The following PPP3CC variants were observed in gnomAD, a reference collection of about 807,000 sequenced individuals.
The protein encoded by PPP3CC is serine/threonine-protein phosphatase 2B catalytic subunit gamma isoform.
Under a neutral mutation model 60.3 loss-of-function variants are expected in PPP3CC, and 35 were observed. The ratio of observed to expected loss-of-function variants is 0.58; its 90% CI spans 0.44 to 0.77. PPP3CC has a LOEUF of 0.77. Ranked by LOEUF, PPP3CC falls within the 30% of genes least tolerant of loss-of-function variation. PPP3CC has a pLI of 0.00. For missense variants in PPP3CC, 570 were observed against 628.9 expected (o/e 0.91, Z 1.00); for synonymous variants, 206 against 224.3 (o/e 0.92, Z 0.73).
intron 1 of PPP3CC, among the ~76,000 whole-genome samples, chr8:22,450,411 A>G (rs537093659): frequency 1.3e-5 from 2 of 152,238 alleles, no homozygotes; most frequent in Non-Finnish European, 2.9e-5. Context: ...TAATTGCACC[A>G]CTCACCCATT....
chr8:22,531,233 A>G (rs1387669719), intron 10 of PPP3CC: 1 of 1,409,406 alleles, frequency 7.1e-7, no homozygotes, highest in African/African-American at 1.4e-5. Context: ...TTTTCCATGT[A>G]AACATAAATT....
intron 3 of PPP3CC, among the ~76,000 whole-genome samples, chr8:22,490,525 C>CAT (rs1838369582): frequency 6.6e-6 from 1 of 152,046 alleles, no homozygotes; most frequent in African/African-American, 2.4e-5. Context: ...CATATGTATA[C>CAT]ATGTGCCATG....
intron 4 of PPP3CC, among the ~76,000 whole-genome samples, chr8:22,505,915 CTTTTA>C (rs1838903466): frequency 6.7e-6 from 1 of 148,324 alleles, no homozygotes; most frequent in South Asian, 2.1e-4. Flanking sequence ...TTTTTTTTAA[CTTTTA>C]TTTTAGGTTC....
At chr8:22,472,547 GTCC>G (rs542125472) in intron 1 of PPP3CC, among the ~76,000 whole-genome samples, 14 of 152,174 alleles carry the variant, frequency 9.2e-5, no homozygotes, top group Admixed American at 7.9e-4. Context: ...TCTTCTGGAA[GTCC>G]TCCTGAAGGA....
intron 11 of PPP3CC, 50 bp from the exon 12 acceptor site, chr8:22,532,871 T>A (rs781132988): frequency 1.5e-6 from 2 of 1,296,862 alleles, no homozygotes; most frequent in Non-Finnish European, 1.0e-6. Context: ...TTTAAGTTGC[T>A]GAATGGAGAG....
At chr8:22,475,652 CTATTA>C (rs777889465) in intron 3 of PPP3CC, 28 bp downstream of exon 3, 5 of 1,585,426 alleles carry the variant, frequency 3.2e-6, no homozygotes, top group South Asian at 2.3e-5. Context: ...TATGTTGGGA[CTATTA>C]TATTGTCTTT....
At chr8:22,446,805 C>CAAAA (rs34407184) in intron 1 of PPP3CC, among the ~76,000 whole-genome samples, 5 of 21,954 alleles carry the variant, frequency 2.3e-4, no homozygotes, top group Non-Finnish European at 3.8e-4. Flanking sequence ...GACTCTGTCT[C>CAAAA]AAAAAAAAAA....
chr8:22,460,279 A>G (rs1217780784), intron 1 of PPP3CC, among the ~76,000 whole-genome samples: 1 of 152,210 alleles, frequency 6.6e-6, no homozygotes, highest in African/African-American at 2.4e-5. Context: ...TTTACAATCA[A>G]TACTTGATAC....
intron 3 of PPP3CC, 40 bp from the exon 4 acceptor site, chr8:22,497,961 T>A: frequency 7.3e-7 from 1 of 1,377,496 alleles, no homozygotes; most frequent in Non-Finnish European, 1.0e-6. Context: ...TGCATTATAA[T>A]GGTCACAAAG....
At chr8:22,528,756 C>G (rs1839628253) in intron 10 of PPP3CC, among the ~76,000 whole-genome samples, 179 bp downstream of exon 10, 1 of 152,010 alleles carries the variant, frequency 6.6e-6, no homozygotes, top group Admixed American at 6.5e-5. Context: ...ACCCATAATC[C>G]CATCATCTTA....
chr8:22,447,462 G>GT (rs1445312486), intron 1 of PPP3CC, among the ~76,000 whole-genome samples: 1 of 151,856 alleles, frequency 6.6e-6, no homozygotes, highest in Non-Finnish European at 1.5e-5. Context: ...GATTACAGGC[G>GT]TGAGCCACCG....
rs1836670728 is a variant in PPP3CC at position 22,441,528 on chromosome 8, C to A, written c.49+70C>A. On this transcript the variant is annotated intron_variant, in intron 1 of 13. Transcript: ENST00000240139. The stretch of plus-strand genomic sequence containing the variant: ...CCTTCGGCTGGGCGGCGGCTCGGGG[C>A]GGAGGGAGGCTGGGGCCGGGCTGCG... The A allele has an allele frequency of 4.2e-6, 6 of 1,445,378 alleles. No homozygotes were observed. In the South Asian group the frequency reaches 8.4e-5, roughly 20 times the overall value. 89.5% of individuals were successfully genotyped at this position (1,445,378 alleles called of 1,614,324 possible).
intron 3 of PPP3CC, among the ~76,000 whole-genome samples, chr8:22,481,694 G>C (rs1289037289): frequency 6.6e-6 from 1 of 151,222 alleles, no homozygotes; most frequent in Admixed American, 6.6e-5. Flanking sequence ...CCCTCCCCTA[G>C]CCCCCCACCT....
At chr8:22,493,266 T>C (rs1247496335) in intron 3 of PPP3CC, among the ~76,000 whole-genome samples, 1 of 152,164 alleles carries the variant, frequency 6.6e-6, no homozygotes, top group Non-Finnish European at 1.5e-5. Context: ...ACACTGCAGC[T>C]CTTTTCAGTT....
At chr8:22,501,576 T>A (rs1281626637) in intron 4 of PPP3CC, among the ~76,000 whole-genome samples, 2 of 152,232 alleles carry the variant, frequency 1.3e-5, no homozygotes, top group East Asian at 1.9e-4. Flanking sequence ...CAGATACTGC[T>A]TGCAGTTCGG....
At chr8:22,442,604 A>C (rs1318096715) in intron 1 of PPP3CC, among the ~76,000 whole-genome samples, 3 of 152,168 alleles carry the variant, frequency 2.0e-5, no homozygotes, top group African/African-American at 4.8e-5. Flanking sequence ...TCTGCTTAGC[A>C]TTTGTATGCT....
At chr8:22,462,767 C>T (rs1162018693) in intron 1 of PPP3CC, among the ~76,000 whole-genome samples, 1 of 152,074 alleles carries the variant, frequency 6.6e-6, no homozygotes, top group Non-Finnish European at 1.5e-5. Flanking sequence ...GACGGGGTTT[C>T]ACCATGTTAG....
intron 1 of PPP3CC, among the ~76,000 whole-genome samples, chr8:22,467,740 A>G (rs530329461): frequency 6.6e-6 from 1 of 152,282 alleles, no homozygotes; most frequent in African/African-American, 2.4e-5. Flanking sequence ...TCAAGATGTT[A>G]TAACAAAATG....
At chr8:22,457,962 A>T (rs944966449) in intron 1 of PPP3CC, among the ~76,000 whole-genome samples, 1 of 152,136 alleles carries the variant, frequency 6.6e-6, no homozygotes, top group African/African-American at 2.4e-5. Flanking sequence ...GTGGTGGCAC[A>T]TGCCTGTAAT....
Sources: allele counts gnomAD v4.1 joint callset (sites outside exome capture counted in the v4.1 genomes callset), GRCh38; gene constraint gnomAD v4.1.1; transcripts MANE v1.5; gene names NCBI Gene and HGNC (gene_info 2026-07-23, HGNC 2026-07-21).